The following NBAS variants were observed in gnomAD, a reference collection of about 807,000 sequenced individuals.
NBAS encodes the protein NAG/BC035112 fusion.
Under a neutral mutation model 302.5 loss-of-function variants are expected in NBAS, and 219 were observed. The ratio of observed to expected loss-of-function variants is 0.72; its 90% CI spans 0.65 to 0.81. The LOEUF (loss-of-function observed/expected upper bound fraction) is 0.81. Ranked by LOEUF, NBAS falls within the 30% of genes least tolerant of loss-of-function variation. NBAS has a pLI of 0.00. For missense variants in NBAS, 2,932 were observed against 2,841.6 expected (o/e 1.03, Z -0.72); for synonymous variants, 1,118 against 1,021.6 (o/e 1.09, Z -1.80).
the NBAS span, among the ~76,000 whole-genome samples, chr2:15,120,021 G>A: frequency 8.5e-5 from 13 of 152,278 alleles, no homozygotes; most frequent in East Asian, 1.9e-4. Flanking sequence ...GCAGGTGGAC[G>A]GGCACACCTG....
At chr2:15,124,671 C>T in the NBAS span, among the ~76,000 whole-genome samples, 2 of 152,260 alleles carry the variant, frequency 1.3e-5, no homozygotes, top group African/African-American at 4.8e-5. Context: ...ACACTTGCTG[C>T]ATCCTGGCTA....
the NBAS span, among the ~76,000 whole-genome samples, chr2:14,862,015 G>T: frequency 6.6e-6 from 1 of 152,350 alleles, no homozygotes; most frequent in South Asian, 2.1e-4. Flanking sequence ...AGTGATAAAT[G>T]CCTAAGAAGC....
At chr2:15,000,636 C>A in the NBAS span, among the ~76,000 whole-genome samples, 1 of 152,266 alleles carries the variant, frequency 6.6e-6, no homozygotes, top group African/African-American at 2.4e-5. Context: ...TGAATGCTTC[C>A]AAGATTCCAA....
At chr2:15,055,404 C>A in the NBAS span, among the ~76,000 whole-genome samples, 1 of 152,172 alleles carries the variant, frequency 6.6e-6, no homozygotes, top group Admixed American at 6.5e-5. Flanking sequence ...CCTTCTTCTA[C>A]CTTCTCCTAT....
the NBAS span, among the ~76,000 whole-genome samples, chr2:14,990,861 C>T: frequency 6.6e-6 from 1 of 152,120 alleles, no homozygotes; most frequent in East Asian, 1.9e-4. Context: ...AGCCATGGTT[C>T]CTGAAGCTGA....
chr2:14,953,727 A>G, the NBAS span, among the ~76,000 whole-genome samples: 21 of 152,340 alleles, frequency 1.4e-4, no homozygotes, highest in African/African-American at 4.8e-4. Flanking sequence ...GGAAAAAAGA[A>G]GAGTAGCACT....
intron 26 of NBAS, chr2:15,397,305 G>A (rs11674824): frequency 0.66 from 141,081 of 215,158 alleles, 47,395 homozygotes; most frequent in Middle Eastern, 0.72. Context: ...GGTGCCTTCT[G>A]TGCAATGCTC....
chr2:15,130,486 C>G, the NBAS span, among the ~76,000 whole-genome samples: 3 of 152,252 alleles, frequency 2.0e-5, no homozygotes, highest in Non-Finnish European at 4.4e-5. Flanking sequence ...GAGCCCTACA[C>G]AGTCAATGGG....
chr2:14,870,894 A>G, the NBAS span, among the ~76,000 whole-genome samples: 1 of 152,100 alleles, frequency 6.6e-6, no homozygotes, highest in Non-Finnish European at 1.5e-5. Flanking sequence ...AGATAGAATG[A>G]TGCAATTGTT....
At chr2:14,997,002 A>G in the NBAS span, among the ~76,000 whole-genome samples, 97 of 152,328 alleles carry the variant, frequency 6.4e-4, no homozygotes, top group Non-Finnish European at 1.1e-3. Context: ...TTGAATTTAG[A>G]AAACCCAAGT....
At chr2:15,411,740 C>T (rs867435798) in intron 25 of NBAS, among the ~76,000 whole-genome samples, 19 of 152,068 alleles carry the variant, frequency 1.2e-4, no homozygotes, top group African/African-American at 2.9e-4. Flanking sequence ...TCAAAATCAC[C>T]GAATAAATTG....
chr2:15,388,927 G>A (rs6731349), intron 28 of NBAS, among the ~76,000 whole-genome samples: 82,607 of 145,890 alleles, frequency 0.57, 23,274 homozygotes, highest in Middle Eastern at 0.66. Flanking sequence ...GTAAAAAAAA[G>A]AGGCAAAGTT....
Position 15,292,652 on chromosome 2 carries a change from G to A in NBAS, c.4912C>T (p.Arg1638Cys), listed in dbSNP as rs529487212. ...TGCGCCTGAGTGAAATCCAGGAGAC[G>A]TTCATTGTAGCAGTGTAACTGCTTG... Reference protein sequence around the residue: ...LTKQLHCYNERLLDFTQAQIL... With the variant: ...LTKQLHCYNECLLDFTQAQIL... The change falls in exon 41 of 52, where the codon CGT becomes TGT. Residue 1638 changes from arginine to cysteine, a missense_variant. Arg to Cys is a radical substitution (Grantham distance 180). Coordinates refer to ENST00000281513, the MANE Select transcript of NBAS (RefSeq NM_015909.4). The A allele has an allele frequency of 5.6e-6, 9 of 1,614,162 alleles. No individual in the cohort carries two copies. The East Asian group carries it at 6.7e-5, about 12-fold the overall frequency.
At chr2:15,531,630 C>G (rs1040568994) in intron 9 of NBAS, among the ~76,000 whole-genome samples, 1 of 152,148 alleles carries the variant, frequency 6.6e-6, no homozygotes, top group Non-Finnish European at 1.5e-5. Context: ...CAGCACTCAC[C>G]ACGCTCTCTT....
chr2:14,816,708 T>C, the NBAS span, among the ~76,000 whole-genome samples: 11 of 152,218 alleles, frequency 7.2e-5, no homozygotes, highest in Non-Finnish European at 1.2e-4. Context: ...AGCAATCCAT[T>C]GTACACTTTA....
chr2:15,538,361 T>G (rs769407500), intron 7 of NBAS: 11 of 455,662 alleles, frequency 2.4e-5, no homozygotes, highest in African/African-American at 6.8e-5. Context: ...TTTTAGTTTC[T>G]CCACTCATTA....
intron 24 of NBAS, among the ~76,000 whole-genome samples, chr2:15,417,261 G>A (rs1676987575): frequency 6.6e-6 from 1 of 152,084 alleles, no homozygotes; most frequent in Non-Finnish European, 1.5e-5. Flanking sequence ...TCACTAGCTA[G>A]TTTAGAAAAA....
At chr2:15,307,550 T>A (rs1671083889) in intron 40 of NBAS, among the ~76,000 whole-genome samples, 1 of 152,184 alleles carries the variant, frequency 6.6e-6, no homozygotes, top group Non-Finnish European at 1.5e-5. Flanking sequence ...AATGATCCAA[T>A]ACAAAAATCA....
At chr2:15,210,478 C>T (rs762419351) in intron 48 of NBAS, among the ~76,000 whole-genome samples, 1 of 151,980 alleles carries the variant, frequency 6.6e-6, no homozygotes, top group Non-Finnish European at 1.5e-5. Flanking sequence ...ATAAACAATG[C>T]GGACAAGAAT....
Sources: gnomAD v4.1 joint callset for allele counts (sites outside exome capture counted in the v4.1 genomes callset) on GRCh38, gnomAD v4.1.1 for gene constraint, MANE v1.5 for transcripts, NCBI Gene and HGNC (gene_info 2026-07-23, HGNC 2026-07-21) for gene names.